Variants in PGM2L1 observed in about 807,000 individuals in gnomAD.
PGM2L1 encodes glucose 1,6-bisphosphate synthase.
Under a neutral mutation model 73.4 loss-of-function variants are expected in PGM2L1, and 35 were observed. The ratio of observed to expected loss-of-function variants is 0.48; its 90% CI spans 0.36 to 0.63. The LOEUF (loss-of-function observed/expected upper bound fraction) is 0.63. Among genes scored for constraint, PGM2L1 ranks in the 30% least tolerant of loss-of-function variants. PGM2L1 has a pLI of 0.00. For missense variants in PGM2L1, 570 were observed against 742.0 expected, an observed-to-expected ratio of 0.77 and a Z score of 2.69; for synonymous variants, 225 against 253.8, an observed-to-expected ratio of 0.89 and a Z score of 1.08.
Position 74,374,577 on chromosome 11 carries a change from G to A in PGM2L1, c.117C>T (p.Pro39=). Residue 39 remains proline (P), a synonymous_variant, in exon 2 of 14, where the codon CCC becomes CCT. Coordinates refer to ENST00000298198, the MANE Select transcript of PGM2L1 (RefSeq NM_173582.6). The part of the protein sequence containing the change: ...IGQWLRWDKN[P]KTKEQIENLL... ...GGTTTTCAATCTGCTCTTTTGTTTT[G>A]GGATTCTATAAAAAAGAAGTATTAA... 6.2e-7 allele frequency: 1 copy of A among 1,612,606 alleles called. No individual in the cohort carries two copies. The highest frequency in any genetic ancestry group is 8.5e-7 in the Non-Finnish European group (1 of 1,179,370).
chr11:74,394,701 C>A (rs967393436), intron 1 of PGM2L1, among the ~76,000 whole-genome samples: 2 of 152,140 alleles, frequency 1.3e-5, no homozygotes, highest in African/African-American at 4.8e-5. Context: ...TCATAGTTCT[C>A]CTTATGTTAG....
chr11:74,374,477 G>T lies in PGM2L1; in HGVS notation c.217C>A (p.Arg73Ser). 2 of 1,613,952 alleles carry T rather than the reference G, an allele frequency of 1.2e-6. No individual in the cohort carries two copies. Among genetic ancestry groups the T allele is most frequent in the Non-Finnish European group, 8.5e-7 (1 of 1,179,804 alleles). ...CRMTFGTAGL[R>S]SAMGAGFCYI... is the part of the protein sequence containing the mutation. Reference sequence around the variant, plus strand: ...CAAAACCCTGCCCCCATGGCAGAACGAAGTCCTGCAGTCCCAAAAGTCATT... The same window carrying T: ...CAAAACCCTGCCCCCATGGCAGAACTAAGTCCTGCAGTCCCAAAAGTCATT... Residue 73 changes from arginine to serine, a missense_variant, in exon 2 of 14, where the codon CGT becomes AGT. Transcript: ENST00000298198.
intron 5 of PGM2L1, among the ~76,000 whole-genome samples, chr11:74,357,432 ACAT>A (rs1862476197): frequency 6.6e-6 from 1 of 152,268 alleles, no homozygotes; most frequent in African/African-American, 2.4e-5. Context: ...AAGATGCTTC[ACAT>A]CATATGTCAT....
At chr11:74,373,383 C>T (rs935229581) in intron 2 of PGM2L1, among the ~76,000 whole-genome samples, 7 of 152,150 alleles carry the variant, frequency 4.6e-5, no homozygotes, top group African/African-American at 1.7e-4. Flanking sequence ...TGCATTAGGC[C>T]TTGGCTTTAG....
intron 1 of PGM2L1, among the ~76,000 whole-genome samples, chr11:74,383,091 C>T (rs540013245): frequency 1.0e-3 from 159 of 152,144 alleles, no homozygotes; most frequent in African/African-American, 3.6e-3. Flanking sequence ...ATCACGGATT[C>T]ATGTTATGAT....
intron 1 of PGM2L1, among the ~76,000 whole-genome samples, chr11:74,386,190 T>G (rs900720119): frequency 6.6e-6 from 1 of 151,982 alleles, no homozygotes; most frequent in Non-Finnish European, 1.5e-5. Flanking sequence ...GAGAAAAGAT[T>G]AATAACTCAA....
In PGM2L1 at chr11:74,342,957, A is replaced by C. The variant is rs536769755; in HGVS notation, c.1370T>G (p.Val457Gly). 9.9e-6 allele frequency: 16 copies of C among 1,611,566 alleles called. No individual in the cohort carries two copies. The South Asian group carries it at 1.8e-4, about 18-fold the overall frequency. The change falls in exon 11 of 14, where the codon GTT becomes GGT. Residue 457 changes from valine to glycine, a missense_variant. By Grantham distance (109) the Val-to-Gly change is moderately radical (BLOSUM62 -3). Coordinates refer to ENST00000298198, the MANE Select transcript of PGM2L1 (RefSeq NM_173582.6). The stretch of plus-strand genomic sequence containing the variant: ...TTCCAGGTAAGATGCCATCTCAGCA[A>C]CCACAACAGCTGCACTCACCCCATC... ...DKDGVSAAVV[V>G]AEMASYLETM...
chr11:74,359,758 T>G (rs1411682152), intron 5 of PGM2L1, among the ~76,000 whole-genome samples: 1 of 152,122 alleles, frequency 6.6e-6, no homozygotes, highest in Non-Finnish European at 1.5e-5. Context: ...TATATATGTG[T>G]GGACTATCCC....
At chr11:74,346,856 T>C (rs1862274807) in intron 7 of PGM2L1, 27 bp from the exon 8 acceptor site, 3 of 1,542,814 alleles carry the variant, frequency 1.9e-6, no homozygotes, top group Non-Finnish European at 1.8e-6. Flanking sequence ...AAAAGCTGGA[T>C]TGTACTGAAG....
chr11:74,341,056 A>C (rs1278539058), intron 12 of PGM2L1, among the ~76,000 whole-genome samples: 1 of 152,206 alleles, frequency 6.6e-6, no homozygotes, highest in Non-Finnish European at 1.5e-5. Context: ...ATAGGCTTTT[A>C]CAGTTATTTT....
intron 5 of PGM2L1, among the ~76,000 whole-genome samples, chr11:74,356,919 C>T (rs113799779): frequency 4.6e-5 from 7 of 152,018 alleles, no homozygotes; most frequent in Admixed American, 1.3e-4. Context: ...CTGCAACCTC[C>T]GCCTCCCAGG....
chr11:74,360,565 AC>A (rs1033682789), intron 5 of PGM2L1, among the ~76,000 whole-genome samples: 2 of 152,140 alleles, frequency 1.3e-5, no homozygotes, highest in African/African-American at 4.8e-5. Flanking sequence ...TGGGGGCAGG[AC>A]AGTGGGTGCA....
chr11:74,387,356 G>C (rs957319245), intron 1 of PGM2L1, among the ~76,000 whole-genome samples: 1 of 152,068 alleles, frequency 6.6e-6, no homozygotes, highest in Non-Finnish European at 1.5e-5. Context: ...TTGTGCATAG[G>C]CTTAAAAAAA....
intron 1 of PGM2L1, among the ~76,000 whole-genome samples, chr11:74,377,260 G>C (rs1166247247): frequency 1.3e-5 from 2 of 151,368 alleles, no homozygotes. Flanking sequence ...TCAGCCTCCC[G>C]AGTAGCTGGA....
At chr11:74,386,945 TTTC>T (rs1043024301) in intron 1 of PGM2L1, among the ~76,000 whole-genome samples, 8 of 152,240 alleles carry the variant, frequency 5.3e-5, no homozygotes, top group African/African-American at 1.9e-4. Context: ...TTATAATTTC[TTTC>T]TTTTAAAAGA....
chr11:74,372,658 TA>T (rs113426723), intron 2 of PGM2L1, among the ~76,000 whole-genome samples: 4,155 of 152,280 alleles, frequency 0.027, 104 homozygotes, highest in African/African-American at 0.064. Context: ...CTTTTAAGAA[TA>T]GGAGACAATA....
In PGM2L1 at chr11:74,345,755, T is replaced by A. The variant is rs1479865390; in HGVS notation, c.1038-106A>T. The A allele has an allele frequency of 3.1e-6, 3 of 953,014 alleles. No individual in the cohort carries two copies. In the Admixed American group the frequency reaches 7.8e-5, roughly 25 times the overall value. The allele number at this position is 953,014 out of a possible 1,614,324, so 59.0% of individuals were successfully genotyped here. A position where few individuals can be genotyped will look rare whatever the true frequency, so the allele number is the denominator to read the frequency against. ...CCTTCAGTTAGGAAAAATCAAAAAC[T>A]ATCATATGGGATTTTTGAGAAAACA... is the stretch of plus-strand genomic sequence containing the variant. On this transcript the variant is annotated intron_variant, in intron 8 of 13. Transcript: ENST00000298198.
intron 4 of PGM2L1, among the ~76,000 whole-genome samples, chr11:74,369,238 C>T (rs1213187752): frequency 6.6e-6 from 1 of 152,184 alleles, no homozygotes; most frequent in Admixed American, 6.5e-5. Flanking sequence ...AAACATGTGG[C>T]TCTATTGCCT....
At chr11:74,389,115 T>C (rs1030926401) in intron 1 of PGM2L1, among the ~76,000 whole-genome samples, 12 of 152,134 alleles carry the variant, frequency 7.9e-5, no homozygotes, top group Non-Finnish European at 5.9e-5. Flanking sequence ...TCTAAGCTAA[T>C]GTAACCAGGT....
Sources: allele counts gnomAD v4.1 joint callset (sites outside exome capture counted in the v4.1 genomes callset), GRCh38; gene constraint gnomAD v4.1.1; transcripts MANE v1.5; gene names NCBI Gene and HGNC (gene_info 2026-07-23, HGNC 2026-07-21).